LRRN2: variants seen among roughly 807,000 people sequenced by gnomAD.
LRRN2 encodes the protein leucine-rich repeat neuronal protein 2.
LRRN2 carries 10 observed loss-of-function variants against 35.7 expected under a neutral mutation model. The observed-to-expected ratio is 0.28, with a 90% CI of 0.17 to 0.47. The LOEUF (loss-of-function observed/expected upper bound fraction) is 0.47, where lower values mean the gene tolerates loss of function less well. Ranked by LOEUF, LRRN2 falls within the 20% of genes least tolerant of loss-of-function variation. LRRN2 has a pLI of 0.99. For missense variants in LRRN2, 731 were observed against 940.3 expected, an observed-to-expected ratio of 0.78 and a Z score of 2.91; for synonymous variants, 391 against 409.6, an observed-to-expected ratio of 0.95 and a Z score of 0.55.
chr1:204,620,023 A>G lies in LRRN2; in HGVS notation c.-31T>C. ...AGCTGCAGGGCAGGGGACCATTCAC[A>G]AGAAGAGTCTGGAGTCCTGCTCTTT... On this transcript the variant is annotated 5_prime_UTR_variant, in exon 2 of 2. Coordinates refer to ENST00000367177, the MANE Select transcript of LRRN2 (RefSeq NM_201630.2). 1.9e-6 allele frequency: 3 copies of G among 1,583,860 alleles called. No homozygotes were observed. The highest frequency in any genetic ancestry group is 2.6e-6 in the Non-Finnish European group (3 of 1,166,262).
intron 1 of LRRN2, among the ~76,000 whole-genome samples, chr1:204,623,756 G>A (rs1301848249): frequency 1.3e-5 from 2 of 152,202 alleles, no homozygotes; most frequent in Admixed American, 6.5e-5. Flanking sequence ...ATTGGATTCC[G>A]AGCTTCTTGA....
At chr1:204,677,333 C>T (rs1288285830) in intron 1 of LRRN2, among the ~76,000 whole-genome samples, 2 of 152,104 alleles carry the variant, frequency 1.3e-5, no homozygotes, top group Admixed American at 6.5e-5. Context: ...AGGAGAGCAT[C>T]GCCCCCCATG....
chr1:204,618,407 A>G lies in LRRN2; in HGVS notation c.1586T>C (p.Leu529Pro). 6.2e-7 allele frequency: 1 copy of G among 1,613,532 alleles called. No individual in the cohort carries two copies. The change falls in exon 2 of 2, where the codon CTG (leucine) becomes CCG (proline). Residue 529 changes from leucine (L) to proline (P), a missense_variant. Physicochemically the swap from Leu to Pro is moderately conservative, Grantham distance 98. This residue lies in a region of LRRN2 where 229 missense variants were observed against 258.4 expected (regional missense o/e 0.89). Transcript: ENST00000367177. ...GTGGGTCTCCTGCACCCGGAGCTCC[A>G]GCCCCTGTCCTTCGTCCCTGCCTGG... The part of the protein sequence containing the change: ...LQPGRDEGQG[L>P]ELRVQETHPY...
At chr1:204,667,415 A>T (rs1459229955) in intron 1 of LRRN2, among the ~76,000 whole-genome samples, 1 of 152,206 alleles carries the variant, frequency 6.6e-6, no homozygotes, top group Admixed American at 6.5e-5. Context: ...AGGGTGCAAA[A>T]CATACATCAT....
intron 1 of LRRN2, among the ~76,000 whole-genome samples, chr1:204,626,260 G>T (rs1355747651): frequency 6.6e-6 from 1 of 151,920 alleles, no homozygotes; most frequent in African/African-American, 2.4e-5. Flanking sequence ...CTCTTCATCT[G>T]CCCTCTCCCA....
intron 1 of LRRN2, among the ~76,000 whole-genome samples, chr1:204,634,086 C>G (rs1225413317): frequency 6.6e-6 from 1 of 152,220 alleles, no homozygotes; most frequent in Non-Finnish European, 1.5e-5. Context: ...TAGGTTAAAT[C>G]AATATTTAGA....
At chr1:204,624,650 G>A (rs1667180191) in intron 1 of LRRN2, among the ~76,000 whole-genome samples, 1 of 152,088 alleles carries the variant, frequency 6.6e-6, no homozygotes, top group African/African-American at 2.4e-5. Flanking sequence ...CTGCTTCTCA[G>A]GCCCCCGGCC....
intron 1 of LRRN2, among the ~76,000 whole-genome samples, chr1:204,684,719 C>A (rs973362756): frequency 2.1e-4 from 32 of 152,146 alleles, no homozygotes; most frequent in African/African-American, 7.7e-4. Flanking sequence ...CATCCCCCAC[C>A]CCAAAGGTCC....
chr1:204,675,053 C>T (rs1343170581), intron 1 of LRRN2, among the ~76,000 whole-genome samples: 1 of 152,094 alleles, frequency 6.6e-6, no homozygotes, highest in Non-Finnish European at 1.5e-5. Context: ...GGTTGCAGTC[C>T]CGGCTCATCC....
rs1405512589 is a variant in LRRN2, at chr1:204,619,892, G to A, written c.101C>T (p.Ala34Val). 6.2e-7 allele frequency: 1 copy of A among 1,613,864 alleles called. No individual in the cohort carries two copies. The highest frequency in any genetic ancestry group is 2.2e-5 in the East Asian group (1 of 44,874). The change falls in exon 2 of 2, where the codon GCC (alanine) becomes GTC (valine). Residue 34 changes from alanine (A) to valine (V), a missense_variant. Coordinates refer to ENST00000367177, the MANE Select transcript of LRRN2 (RefSeq NM_201630.2). ...CGTATACCAGGGCCGGATCTGGCAG[G>A]CACACTGAGGGGGGCAGGGAACATG... ...PWHVPCPPQC[A>V]CQIRPWYTPR...
chr1:204,648,113 C>G (rs1668149467), intron 1 of LRRN2, among the ~76,000 whole-genome samples: 1 of 152,180 alleles, frequency 6.6e-6, no homozygotes, highest in Non-Finnish European at 1.5e-5. Context: ...CCAGCTACAG[C>G]CACTGAAGAC....
At chr1:204,639,276 A>C (rs1667928870) in intron 1 of LRRN2, among the ~76,000 whole-genome samples, 1 of 152,240 alleles carries the variant, frequency 6.6e-6, no homozygotes, top group African/African-American at 2.4e-5. Flanking sequence ...TGAATAAGAC[A>C]AGGTGCTGCC....
At chr1:204,664,766 A>G (rs970560588) in intron 1 of LRRN2, among the ~76,000 whole-genome samples, 1 of 151,926 alleles carries the variant, frequency 6.6e-6, no homozygotes, top group Admixed American at 6.6e-5. Flanking sequence ...CACGCTACCA[A>G]CTTCCTTCTT....
At chr1:204,621,224 C>G (rs1439133069) in intron 1 of LRRN2, 2 of 167,332 alleles carry the variant, frequency 1.2e-5, no homozygotes, top group African/African-American at 4.8e-5. Context: ...GTAAGACCTT[C>G]TGTGACCTGG....
At position 204,618,622 on chromosome 1, in the gene LRRN2, C is replaced by T; in HGVS notation, c.1371G>A (p.Trp457Ter). The change falls in exon 2 of 2, where the codon TGG becomes TGA. Residue 457 changes from tryptophan to a stop codon, truncating the protein, a stop_gained. Coordinates refer to ENST00000367177, the MANE Select transcript of LRRN2 (RefSeq NM_201630.2). LOFTEE classifies it high-confidence loss of function. The part of the protein sequence containing the change: ...ALAEPEPEIY[W>*]VTPAGLRLTP... ...TCAGTCGAAGCCCAGCTGGAGTGAC[C>T]CAGTAGATCTCGGGTTCGGGTTCGG... The T allele has an allele frequency of 6.2e-7, 1 of 1,613,310 alleles. No homozygotes were observed. The highest frequency in any genetic ancestry group is 1.1e-5 in the South Asian group (1 of 91,004).
intron 1 of LRRN2, chr1:204,620,950 G>A (rs966589765): frequency 1.8e-5 from 3 of 166,342 alleles, no homozygotes; most frequent in African/African-American, 7.3e-5. Context: ...GGTGGGTGAG[G>A]GTTGGTGGAA....
intron 1 of LRRN2, among the ~76,000 whole-genome samples, chr1:204,663,204 A>C (rs1668506552): frequency 1.3e-5 from 2 of 152,276 alleles, no homozygotes; most frequent in South Asian, 4.1e-4. Flanking sequence ...GGGAGTCTTC[A>C]TGGCTCCTCT....
chr1:204,625,715 T>C (rs184801328), intron 1 of LRRN2, among the ~76,000 whole-genome samples: 13 of 152,292 alleles, frequency 8.5e-5, no homozygotes, highest in African/African-American at 3.1e-4. Context: ...CCATGACAAG[T>C]TGGGACCAGG....
Position 204,618,159 on chromosome 1 carries a change from A to T in LRRN2, c.1834T>A (p.Trp612Arg). The T allele has an allele frequency of 6.2e-7, 1 of 1,614,128 alleles. No homozygotes were observed. The highest frequency in any genetic ancestry group is 1.3e-5 in the African/African-American group (1 of 75,066). Residue 612 changes from tryptophan to arginine, a missense_variant, in exon 2 of 2, where the codon TGG becomes AGG. Physicochemically the swap from Trp to Arg is moderately radical, Grantham distance 101 (BLOSUM62 -3). This residue lies in a region of LRRN2 where 229 missense variants were observed against 258.4 expected (regional missense o/e 0.89). Transcript: ENST00000367177. ...GAAGTGGCCTCTTTGGTCCTGGCCCATACACAAGCCAACTGGGTGTGGGCA... is the reference window on the plus strand; with the variant it reads ...GAAGTGGCCTCTTTGGTCCTGGCCCTTACACAAGCCAACTGGGTGTGGGCA... ...ADAHTQLACV[W>R]ARTKEATSCH...
Sources: allele counts gnomAD v4.1 joint callset (sites outside exome capture counted in the v4.1 genomes callset), GRCh38; gene constraint gnomAD v4.1.1; regional missense constraint gnomAD v4.1.1; transcripts MANE v1.5; gene names NCBI Gene and HGNC (gene_info 2026-07-23, HGNC 2026-07-21).